ZNF365: variants seen among roughly 807,000 people sequenced by gnomAD.
ZNF365 encodes protein ZNF365.
Under a neutral mutation model 35.0 loss-of-function variants are expected in ZNF365, and 22 were observed. That is an observed-to-expected ratio of 0.63 (90% CI 0.45 to 0.90). The LOEUF is 0.90. Ranked by LOEUF, ZNF365 falls within the 40% of genes least tolerant of loss-of-function variation. ZNF365 has a pLI of 0.00. For synonymous variants in ZNF365, 188 were observed against 196.2 expected, an observed-to-expected ratio of 0.96 and a Z score of 0.35; for missense variants, 448 against 500.3, an observed-to-expected ratio of 0.90 and a Z score of 1.00.
In ZNF365 at chr10:62,376,598, T is replaced by C. The variant is rs763810278; in HGVS notation, c.405T>C (p.His135=). The stretch of plus-strand genomic sequence containing the variant: ...AGACCTACACTGCCATGGACCTCCA[T>C]GCAGACTCGCTGGATGGGACACGGT... The part of the protein sequence containing the change: ...YVQTYTAMDL[H]ADSLDGTRSG... The change falls in exon 2 of 5, where the codon CAT becomes CAC. Residue 135 remains histidine (H), a synonymous_variant. Coordinates refer to ENST00000395254, the MANE Select transcript of ZNF365 (RefSeq NM_014951.3). 3.1e-6 allele frequency: 5 copies of C among 1,614,020 alleles called. No homozygotes were observed. The Admixed American group carries it at 6.7e-5, about 22-fold the overall frequency.
chr10:62,395,712 A>C (rs1222525936), intron 3 of ZNF365, among the ~76,000 whole-genome samples: 1 of 151,990 alleles, frequency 6.6e-6, no homozygotes, highest in African/African-American at 2.4e-5. Flanking sequence ...CTCCAGGGTC[A>C]TGCTCAAAGG....
intron 2 of ZNF365, among the ~76,000 whole-genome samples, chr10:62,383,113 G>A (rs367720054): frequency 2.0e-5 from 3 of 152,284 alleles, no homozygotes; most frequent in South Asian, 2.1e-4. Flanking sequence ...TCTCTGTGTT[G>A]GTTAATGATT....
chr10:62,444,672 T>C (rs1397203044), intron 3 of ZNF365, among the ~76,000 whole-genome samples: 1 of 152,200 alleles, frequency 6.6e-6, no homozygotes, highest in Admixed American at 6.5e-5. Context: ...CTTCTGAATG[T>C]TCGAATCTCT....
chr10:62,385,617 A>G (rs1355093826), intron 2 of ZNF365, among the ~76,000 whole-genome samples: 1 of 152,146 alleles, frequency 6.6e-6, no homozygotes, highest in Non-Finnish European at 1.5e-5. Flanking sequence ...AAAAAAATAT[A>G]CTGGATATTG....
rs760302065 is a variant in ZNF365, at chr10:62,399,596, G to C, written c.1031G>C (p.Arg344Thr). The C allele has an allele frequency of 2.7e-5, 44 of 1,614,042 alleles. No homozygotes were observed. Among genetic ancestry groups the C allele is most frequent in the Non-Finnish European group, 3.6e-5 (42 of 1,180,044 alleles). Residue 344 changes from arginine to threonine, a missense_variant, in exon 5 of 5, where the codon AGG becomes ACG. Arg to Thr is a moderately conservative substitution (Grantham distance 71). This residue lies in a region of ZNF365 where 362 missense variants were observed against 375.7 expected (regional missense o/e 0.96). Coordinates refer to ENST00000395254, the MANE Select transcript of ZNF365 (RefSeq NM_014951.3). ...AAGGCCCATTTCCACCCAAAGGGAA[G>C]GAACCACCTGAAAAAGGCCAAGGAT... is the stretch of plus-strand genomic sequence containing the variant. ...DLKAHFHPKG[R>T]NHLKKAKDDR... is the part of the protein sequence containing the mutation.
intron 3 of ZNF365, among the ~76,000 whole-genome samples, chr10:62,435,851 T>G (rs946236777): frequency 6.6e-6 from 1 of 152,154 alleles, no homozygotes; most frequent in Non-Finnish European, 1.5e-5. Context: ...CTACTCAAAT[T>G]TGATGTCATT....
At chr10:62,414,355 A>G (rs1335723276) in intron 3 of ZNF365, among the ~76,000 whole-genome samples, 1 of 144,542 alleles carries the variant, frequency 6.9e-6, no homozygotes, top group Non-Finnish European at 1.5e-5. Flanking sequence ...ATACCACCAT[A>G]TCTGACTAAT....
intron 3 of ZNF365, among the ~76,000 whole-genome samples, chr10:62,445,667 T>G (rs1840575075): frequency 6.6e-6 from 1 of 152,210 alleles, no homozygotes; most frequent in South Asian, 2.1e-4. Context: ...TTGTGCAAGT[T>G]AGGTGCTGGA....
At chr10:62,478,998 C>T (rs908549332) in intron 4 of ZNF365, among the ~76,000 whole-genome samples, 7 of 152,220 alleles carry the variant, frequency 4.6e-5, no homozygotes, top group African/African-American at 1.7e-4. Flanking sequence ...AATTTCTATT[C>T]TGTTTTGAAA....
At chr10:62,444,412 T>C (rs921131077) in intron 3 of ZNF365, among the ~76,000 whole-genome samples, 2 of 152,148 alleles carry the variant, frequency 1.3e-5, no homozygotes, top group Non-Finnish European at 1.5e-5. Context: ...TTACTTCAAA[T>C]TACAGCTTCT....
At chr10:62,422,621 T>C (rs576345134) in intron 3 of ZNF365, among the ~76,000 whole-genome samples, 1 of 152,288 alleles carries the variant, frequency 6.6e-6, no homozygotes, top group African/African-American at 2.4e-5. Context: ...TGCAGATACC[T>C]AGGGCTTTAG....
At chr10:62,459,871 G>A in intron 4 of ZNF365, 1 of 1,361,092 alleles carries the variant, frequency 7.3e-7, no homozygotes, top group African/African-American at 1.4e-5. Flanking sequence ...CCATATGAGA[G>A]AGACTGGAAG....
intron 3 of ZNF365, among the ~76,000 whole-genome samples, chr10:62,450,753 A>G (rs1330488172): frequency 6.6e-6 from 1 of 152,238 alleles, no homozygotes; most frequent in Non-Finnish European, 1.5e-5. Flanking sequence ...GATATAAGTA[A>G]AGACAGCAAG....
chr10:62,399,754 A>T lies in ZNF365; in HGVS notation c.1189A>T (p.Lys397Ter). 2 of 1,612,704 alleles carry T rather than the reference A, an allele frequency of 1.2e-6. No homozygotes were observed. The highest frequency in any genetic ancestry group is 1.7e-6 in the Non-Finnish European group (2 of 1,179,330). The change falls in exon 5 of 5, where the codon AAA becomes TAA. Residue 397 changes from lysine (K) to a stop codon, truncating the protein, a stop_gained. Coordinates refer to ENST00000395254, the MANE Select transcript of ZNF365 (RefSeq NM_014951.3). LOFTEE classifies it high-confidence loss of function. The stretch of plus-strand genomic sequence containing the variant: ...AGGCAACATCAGGCCCAAAATGGCT[A>T]AAAAAAAGCCAACAGCCATTGTGAA... ...RKGNIRPKMA[K>*]KKPTAIVNII
intron 3 of ZNF365, among the ~76,000 whole-genome samples, chr10:62,427,638 T>G (rs1289555974): frequency 6.6e-6 from 1 of 152,198 alleles, no homozygotes; most frequent in Non-Finnish European, 1.5e-5. Flanking sequence ...TGGTCATTTC[T>G]CTTTTAGGTC....
intron 3 of ZNF365, among the ~76,000 whole-genome samples, chr10:62,450,365 G>A (rs1028270277): frequency 2.6e-5 from 4 of 152,156 alleles, no homozygotes; most frequent in Non-Finnish European, 4.4e-5. Flanking sequence ...AAGATAAGAA[G>A]CCTGAGGCTT....
chr10:62,386,291 T>G lies in ZNF365; in HGVS notation c.744-2105T>G, dbSNP rs566515034. On this transcript the variant is annotated intron_variant, in intron 2 of 4. Coordinates refer to ENST00000395254, the MANE Select transcript of ZNF365 (RefSeq NM_014951.3). The stretch of plus-strand genomic sequence containing the variant: ...CCTGAATAATGAAGACCTTGAAAAG[T>G]ACACATCTTCTATTGAGGGCTAATA... Among the ~76,000 whole-genome samples, 4 of 152,306 alleles carry G rather than the reference T, an allele frequency of 2.6e-5. No individual in the cohort carries two copies. In the South Asian group the frequency reaches 8.3e-4, roughly 32 times the overall value.
At chr10:62,466,586 G>T (rs1484823840) in intron 4 of ZNF365, among the ~76,000 whole-genome samples, 1 of 152,152 alleles carries the variant, frequency 6.6e-6, no homozygotes, top group Admixed American at 6.5e-5. Context: ...TCTGGCTGGT[G>T]AAATGACACC....
intron 3 of ZNF365, among the ~76,000 whole-genome samples, chr10:62,411,845 G>C (rs1005874878): frequency 6.6e-6 from 1 of 152,050 alleles, no homozygotes; most frequent in Non-Finnish European, 1.5e-5. Context: ...AGCTAAAGTA[G>C]TGTTAAGAGG....
Sources: allele counts gnomAD v4.1 joint callset (sites outside exome capture counted in the v4.1 genomes callset), GRCh38; gene constraint gnomAD v4.1.1; regional missense constraint gnomAD v4.1.1; transcripts MANE v1.5; gene names NCBI Gene and HGNC (gene_info 2026-07-23, HGNC 2026-07-21).